MYLK: variants seen among roughly 807,000 people sequenced by gnomAD.
MYLK encodes the protein myosin light chain kinase.
Under a neutral mutation model 203.4 loss-of-function variants are expected in MYLK, and 106 were observed. The ratio of observed to expected loss-of-function variants is 0.52; its 90% CI spans 0.45 to 0.61. The LOEUF (loss-of-function observed/expected upper bound fraction) is 0.61. Ranked by LOEUF, MYLK falls within the 20% of genes least tolerant of loss-of-function variation. The probability of loss-of-function intolerance (pLI) is 0.00; values close to 1 mark genes in which losing one functional copy is unlikely to be tolerated. For synonymous variants in MYLK, 867 were observed against 959.5 expected, an observed-to-expected ratio of 0.90 and a Z score of 1.78; for missense variants, 2,072 against 2,442.3, an observed-to-expected ratio of 0.85 and a Z score of 3.20.
Position 123,661,202 on chromosome 3 carries a change from G to A in MYLK, c.3985+2903C>T, listed in dbSNP as rs186974512. ...AGTGGTGATCGGAGGAGGGGAGTGC[G>A]TGGCACTGCGCAGGAGCTGGGCATC... On this transcript the variant is annotated intron_variant, in intron 23 of 33. Transcript: ENST00000360304. 6.5e-3 allele frequency among the ~76,000 whole-genome samples: 988 copies of A among 152,270 alleles called. 15 individuals are homozygous for A. The highest frequency in any genetic ancestry group is 5.6e-3 in the Non-Finnish European group (378 of 68,028).
At chr3:123,703,109 GCAT>G (rs1391721738) in intron 16 of MYLK, among the ~76,000 whole-genome samples, 11 of 152,196 alleles carry the variant, frequency 7.2e-5, no homozygotes, top group Non-Finnish European at 1.5e-5. Flanking sequence ...ACCTGGACAG[GCAT>G]CTGAGCATGC....
At chr3:123,884,033 G>A (rs2033700538) in intron 1 of MYLK, among the ~76,000 whole-genome samples, 173 bp downstream of exon 1, 1 of 152,152 alleles carries the variant, frequency 6.6e-6, no homozygotes, top group South Asian at 2.1e-4. Context: ...TGGCGTCACT[G>A]GGGTCGTCTC....
At chr3:123,763,660 C>T (rs1037740148) in intron 4 of MYLK, among the ~76,000 whole-genome samples, 3 of 152,114 alleles carry the variant, frequency 2.0e-5, no homozygotes, top group East Asian at 3.9e-4. Context: ...TAATGCCACA[C>T]GGACTCCCTG....
At chr3:123,747,626 T>C (rs1576830827) in intron 5 of MYLK, among the ~76,000 whole-genome samples, 1 of 152,286 alleles carries the variant, frequency 6.6e-6, no homozygotes, top group African/African-American at 2.4e-5. Context: ...CGGCTGGAAA[T>C]GCAGACTCCC....
At chr3:123,783,719 CTTT>C (rs1294443214) in intron 4 of MYLK, among the ~76,000 whole-genome samples, 2 of 152,222 alleles carry the variant, frequency 1.3e-5, no homozygotes, top group Non-Finnish European at 2.9e-5. Context: ...TTCTTTCCTT[CTTT>C]ATCTTTCCCC....
chr3:123,825,412 G>C (rs2066082241), intron 3 of MYLK, among the ~76,000 whole-genome samples: 1 of 152,114 alleles, frequency 6.6e-6, no homozygotes, highest in African/African-American at 2.4e-5. Context: ...CTTGTTGCAA[G>C]GAAAAGATAA....
chr3:123,739,309 T>G (rs1004538137), intron 6 of MYLK, among the ~76,000 whole-genome samples: 1 of 152,242 alleles, frequency 6.6e-6, no homozygotes, highest in African/African-American at 2.4e-5. Context: ...TAGGCATGCC[T>G]GAATTCCACT....
chr3:123,688,844 A>G (rs2060559035), intron 19 of MYLK, among the ~76,000 whole-genome samples: 1 of 150,998 alleles, frequency 6.6e-6, no homozygotes, highest in East Asian at 1.9e-4. Context: ...CTCAGTGACC[A>G]CCCCCTCCAA....
At chr3:123,695,152 G>C (rs547261872) in intron 18 of MYLK, among the ~76,000 whole-genome samples, 9 of 152,188 alleles carry the variant, frequency 5.9e-5, no homozygotes, top group Non-Finnish European at 1.2e-4. Context: ...CTGCTATAGG[G>C]CTGCCTCAGT....
intron 31 of MYLK, 91 bp downstream of exon 31, chr3:123,626,727 G>T (rs1246642204): frequency 2.5e-6 from 4 of 1,584,578 alleles, no homozygotes; most frequent in Non-Finnish European, 3.5e-6. Context: ...AACTTTCTTG[G>T]TGTGAGGCCA....
intron 3 of MYLK, among the ~76,000 whole-genome samples, chr3:123,810,412 T>C (rs527461081): frequency 6.6e-6 from 1 of 152,350 alleles, no homozygotes; most frequent in South Asian, 2.1e-4. Flanking sequence ...GCCCTGGGTC[T>C]GGAGCTGGCG....
intron 20 of MYLK, among the ~76,000 whole-genome samples, chr3:123,673,363 T>C (rs820328): frequency 0.8 from 120,720 of 151,672 alleles, 49,345 homozygotes; most frequent in Non-Finnish European, 0.89. Flanking sequence ...AGCTCCCACT[T>C]TGGCCTCCCA....
At chr3:123,789,484 A>T (rs772801975) in intron 4 of MYLK, among the ~76,000 whole-genome samples, 9 of 152,088 alleles carry the variant, frequency 5.9e-5, no homozygotes, top group Non-Finnish European at 8.8e-5. Flanking sequence ...CCTTGGGCAG[A>T]CAGGTCTCCT....
chr3:123,671,778 C>T (rs1370151418), intron 20 of MYLK, among the ~76,000 whole-genome samples: 4 of 151,434 alleles, frequency 2.6e-5, no homozygotes, highest in Non-Finnish European at 5.9e-5. Flanking sequence ...GAGAGAGAGC[C>T]CAAAGACACT....
intron 20 of MYLK, among the ~76,000 whole-genome samples, chr3:123,677,385 C>T (rs1473224641): frequency 6.6e-6 from 1 of 152,204 alleles, no homozygotes. Context: ...ACCTTCGTCT[C>T]CTGCTCATTG....
intron 29 of MYLK, among the ~76,000 whole-genome samples, chr3:123,632,357 A>C (rs2058469711): frequency 6.6e-6 from 1 of 151,952 alleles, no homozygotes; most frequent in Admixed American, 6.6e-5. Context: ...GAGAGGGGGG[A>C]AGTCCGGCAG....
At chr3:123,727,130 G>A (rs986639968) in intron 11 of MYLK, among the ~76,000 whole-genome samples, 1 of 152,174 alleles carries the variant, frequency 6.6e-6, no homozygotes, top group Non-Finnish European at 1.5e-5. Flanking sequence ...AGTTGAACTC[G>A]ATGCTGAAGC....
intron 16 of MYLK, among the ~76,000 whole-genome samples, chr3:123,702,332 C>T (rs1158253400): frequency 1.3e-5 from 2 of 152,196 alleles, no homozygotes; most frequent in Admixed American, 1.3e-4. Flanking sequence ...GGCAGGTCTG[C>T]GAGCCAGAGG....
intron 20 of MYLK, among the ~76,000 whole-genome samples, chr3:123,674,888 G>A (rs989023878): frequency 5.9e-5 from 9 of 152,230 alleles, no homozygotes; most frequent in East Asian, 1.9e-4. Context: ...ATCAGGCACC[G>A]CTATTTCAGA....
Sources: allele counts gnomAD v4.1 joint callset (sites outside exome capture counted in the v4.1 genomes callset), GRCh38; gene constraint gnomAD v4.1.1; transcripts MANE v1.5; gene names NCBI Gene and HGNC (gene_info 2026-07-23, HGNC 2026-07-21).